Variants in ADGRL3 observed in about 807,000 individuals in gnomAD.
ADGRL3 encodes the protein calcium-independent alpha-latrotoxin receptor 3.
Under a neutral mutation model 153.5 loss-of-function variants are expected in ADGRL3, and 62 were observed. That is an observed-to-expected ratio of 0.40 (90% CI 0.33 to 0.50). ADGRL3 has a LOEUF of 0.50. Among genes scored for constraint, ADGRL3 ranks in the 20% least tolerant of loss-of-function variants. The probability of loss-of-function intolerance (pLI) is 0.47; values close to 1 mark genes in which losing one functional copy is unlikely to be tolerated. For missense variants in ADGRL3, 1,641 were observed against 1,859.4 expected (o/e 0.88, Z 2.16); for synonymous variants, 710 against 672.5 (o/e 1.06, Z -0.86).
At position 61,372,903 on chromosome 4, in the gene ADGRL3, G is replaced by A. The variant is rs953267699; in HGVS notation, c.-239-10221G>A. Among the ~76,000 whole-genome samples, 24 of 152,192 alleles carry A rather than the reference G, an allele frequency of 1.6e-4. 1 individual carries two copies. The highest frequency in any genetic ancestry group is 7.7e-4 in the East Asian group (4 of 5,188). ...GAGACTCCGTGGGGCAGGACCCTCC[G>A]AGCCAGGTGCGGGATATAATCTCGT... On this transcript the variant is annotated intron_variant, in intron 1 of 26. Transcript: ENST00000683033.
chr4:61,938,949 T>G, intron 15 of ADGRL3, among the ~76,000 whole-genome samples: 1 of 151,206 alleles, frequency 6.6e-6, no homozygotes, highest in Non-Finnish European at 1.5e-5. Flanking sequence ...GATTCTAAGG[T>G]TCAGCGATAG....
chr4:61,925,699 T>C (rs2098791382), intron 13 of ADGRL3, among the ~76,000 whole-genome samples: 1 of 152,046 alleles, frequency 6.6e-6, no homozygotes, highest in African/African-American at 2.4e-5. Flanking sequence ...ACTCACTCAC[T>C]ATAGTGAGGA....
chr4:61,918,316 T>C (rs760582155), intron 13 of ADGRL3, among the ~76,000 whole-genome samples: 6 of 152,220 alleles, frequency 3.9e-5, no homozygotes, highest in Middle Eastern at 3.2e-3. Flanking sequence ...AGAACTCCAC[T>C]ATGGCTCATG....
chr4:62,016,205 T>C (rs781649666), intron 21 of ADGRL3, among the ~76,000 whole-genome samples: 6 of 151,984 alleles, frequency 3.9e-5, no homozygotes, highest in Non-Finnish European at 7.4e-5. Context: ...CATACTACCA[T>C]GCCCAGCTAA....
intron 9 of ADGRL3, among the ~76,000 whole-genome samples, chr4:61,821,746 C>T (rs1328328873): frequency 6.6e-6 from 1 of 152,116 alleles, no homozygotes; most frequent in African/African-American, 2.4e-5. Context: ...TATGGTTCAA[C>T]TGACACATAA....
chr4:61,702,082 G>A (rs944440052), intron 6 of ADGRL3, among the ~76,000 whole-genome samples: 1 of 152,146 alleles, frequency 6.6e-6, no homozygotes, highest in Non-Finnish European at 1.5e-5. Context: ...CACTTGCAGG[G>A]CTGACCACAG....
chr4:62,029,793 C>A (rs1227889188), intron 22 of ADGRL3, among the ~76,000 whole-genome samples: 3 of 150,712 alleles, frequency 2.0e-5, no homozygotes, highest in Non-Finnish European at 3.0e-5. Flanking sequence ...GTGGTTAATA[C>A]CTGACTTAAG....
chr4:61,688,990 T>A (rs1473455298), intron 6 of ADGRL3, among the ~76,000 whole-genome samples: 5 of 152,172 alleles, frequency 3.3e-5, no homozygotes, highest in African/African-American at 1.2e-4. Context: ...AGATGGGATC[T>A]CACTCTGTGG....
intron 2 of ADGRL3, among the ~76,000 whole-genome samples, chr4:61,473,197 ATTTGTATGTG>A (rs1285425247): frequency 1.3e-5 from 1 of 77,744 alleles, no homozygotes; most frequent in Admixed American, 1.8e-4. Context: ...AAAAACACCT[ATTTGTATGTG>A]TTTGTGTGTG....
intron 2 of ADGRL3, among the ~76,000 whole-genome samples, chr4:61,479,059 T>TTTC (rs2098101396): frequency 6.6e-6 from 1 of 152,068 alleles, no homozygotes; most frequent in Non-Finnish European, 1.5e-5. Context: ...AATTTTTCTC[T>TTTC]TTCTTTTCCT....
chr4:61,738,906 A>C (rs953760152), intron 8 of ADGRL3, among the ~76,000 whole-genome samples: 1 of 152,156 alleles, frequency 6.6e-6, no homozygotes, highest in Non-Finnish European at 1.5e-5. Flanking sequence ...AAAAATCGTT[A>C]ATTGGCCAGT....
chr4:61,201,287 C>G lies in ADGRL3; in HGVS notation c.-718C>G, dbSNP rs1734589610. ...TAAGCGGCGGCGGCAGCAGCAGCAG[C>G]AAGAGAAGGAGAAGCAGCCCCAGCT... On this transcript the variant is annotated 5_prime_UTR_variant, in exon 1 of 27. Transcript: ENST00000683033. 1 of 153,932 alleles carries G rather than the reference C, an allele frequency of 6.5e-6. No homozygotes were observed. The highest frequency in any genetic ancestry group is 1.5e-5 in the Non-Finnish European group (1 of 68,828). 9.5% of individuals were successfully genotyped at this position (153,932 alleles called of 1,614,324 possible).
intron 9 of ADGRL3, among the ~76,000 whole-genome samples, chr4:61,845,894 G>T (rs143579675): frequency 1.9e-3 from 295 of 152,208 alleles, no homozygotes; most frequent in African/African-American, 6.9e-3. Flanking sequence ...ACTAGCAATT[G>T]CTTACTAGTA....
chr4:61,459,374 A>T (rs1578984396), intron 2 of ADGRL3, among the ~76,000 whole-genome samples: 1 of 152,112 alleles, frequency 6.6e-6, no homozygotes, highest in East Asian at 1.9e-4. Flanking sequence ...CTATGGAGGA[A>T]AATAAGATAC....
At chr4:61,557,478 G>C (rs1207527190) in intron 4 of ADGRL3, among the ~76,000 whole-genome samples, 1 of 152,146 alleles carries the variant, frequency 6.6e-6, no homozygotes, top group Non-Finnish European at 1.5e-5. Context: ...AAATAAAGCA[G>C]TAAAAGTCTA....
chr4:61,509,546 C>A (rs2098451621), intron 3 of ADGRL3, among the ~76,000 whole-genome samples: 1 of 152,084 alleles, frequency 6.6e-6, no homozygotes. Context: ...CCTCCACTGG[C>A]ATCCATGTTG....
At chr4:61,861,151 C>T (rs1012942219) in intron 9 of ADGRL3, among the ~76,000 whole-genome samples, 3 of 152,078 alleles carry the variant, frequency 2.0e-5, no homozygotes, top group Admixed American at 6.6e-5. Context: ...CAGGGAAGGA[C>T]CAGGGAAAGC....
intron 6 of ADGRL3, among the ~76,000 whole-genome samples, chr4:61,680,489 T>C (rs1159270371): frequency 6.6e-6 from 1 of 150,814 alleles, no homozygotes; most frequent in Non-Finnish European, 1.5e-5. Flanking sequence ...GACTTTTTCA[T>C]GGACAAAATG....
intron 17 of ADGRL3, among the ~76,000 whole-genome samples, chr4:61,960,726 T>C (rs11131351): frequency 0.2 from 30,471 of 152,080 alleles, 3,722 homozygotes; most frequent in East Asian, 0.43. Flanking sequence ...TTTATTTTGT[T>C]TTGAGACAGA....
Sources: allele counts gnomAD v4.1 joint callset (sites outside exome capture counted in the v4.1 genomes callset), GRCh38; gene constraint gnomAD v4.1.1; transcripts MANE v1.5; gene names NCBI Gene and HGNC (gene_info 2026-07-23, HGNC 2026-07-21).